Variants in DCDC2 observed in about 807,000 individuals in gnomAD.
DCDC2 encodes the protein doublecortin domain-containing protein 2.
A neutral mutation model predicts 50.2 loss-of-function variants in DCDC2; 40 were observed. The observed-to-expected ratio is 0.80, with a 90% CI of 0.62 to 1.04. DCDC2 has a LOEUF of 1.04. Among genes scored for constraint, DCDC2 ranks in the 50% least tolerant of loss-of-function variants. The pLI is 0.00. For missense variants in DCDC2, 570 were observed against 581.9 expected (o/e 0.98, Z 0.21); for synonymous variants, 234 against 210.6 (o/e 1.11, Z -0.96).
chr6:24,306,543 T>TAGATAGATAGATAGAGAGACAGAC (rs1209633765), intron 2 of DCDC2, among the ~76,000 whole-genome samples: 2 of 115,662 alleles, frequency 1.7e-5, no homozygotes, highest in African/African-American at 6.8e-5. Flanking sequence ...GATAGATAGA[T>TAGATAGATAGATAGAGAGACAGAC]AGACAGACAG....
chr6:24,178,310 A>C lies in DCDC2; in HGVS notation c.1326+20T>G. On this transcript the variant is annotated intron_variant, in intron 9 of 9. Coordinates refer to ENST00000378454, the MANE Select transcript of DCDC2 (RefSeq NM_016356.5). ...ACATATTCATGCATTCACATAAGCA[A>C]GCAAAAGCAATAGAAATACCTCATC... 1.2e-6 allele frequency: 2 copies of C among 1,606,104 alleles called. No homozygotes were observed. Among genetic ancestry groups the C allele is most frequent in the Non-Finnish European group, 1.7e-6 (2 of 1,175,248 alleles).
intron 7 of DCDC2, among the ~76,000 whole-genome samples, chr6:24,222,284 A>G (rs1262843318): frequency 6.6e-6 from 1 of 152,242 alleles, no homozygotes; most frequent in African/African-American, 2.4e-5. Context: ...TTGGAGAAAG[A>G]AAAAAGCTTC....
At chr6:24,185,812 T>TAAAAAAGAAATACAAGAGGCAAAGG (rs1761191941) in intron 8 of DCDC2, among the ~76,000 whole-genome samples, 1 of 151,830 alleles carries the variant, frequency 6.6e-6, no homozygotes, top group Non-Finnish European at 1.5e-5. Flanking sequence ...TTCTTTAGGA[T>TAAAAAAGAAATACAAGAGGCAAAGG]AAAAAAGAAA....
At chr6:24,224,814 C>T (rs1160198785) in intron 7 of DCDC2, among the ~76,000 whole-genome samples, 1 of 152,134 alleles carries the variant, frequency 6.6e-6, no homozygotes, top group Non-Finnish European at 1.5e-5. Flanking sequence ...ACTTACCACC[C>T]AGACTATACA....
In DCDC2 at chr6:24,278,193, T is replaced by TA. The variant is rs1467780852; in HGVS notation, c.777dup (p.Lys260Ter). 1.2e-6 allele frequency: 2 copies of TA among 1,609,650 alleles called. No individual in the cohort carries two copies. Among genetic ancestry groups the TA allele is most frequent in the African/African-American group, 1.3e-5 (1 of 74,582 alleles). On this transcript the variant is annotated frameshift_variant, in exon 7 of 10. Transcript: ENST00000378454. LOFTEE classifies it high-confidence loss of function. The stretch of plus-strand genomic sequence containing the variant: ...TTGTCACTGGATCCAACTGTTGACT[T>TA]AGAGTGGCGATCATTTCCCTAAATG...
At chr6:24,177,460 A>G (rs1360321983) in intron 9 of DCDC2, among the ~76,000 whole-genome samples, 1 of 152,212 alleles carries the variant, frequency 6.6e-6, no homozygotes, top group Non-Finnish European at 1.5e-5. Context: ...CATAGTGGGT[A>G]TTAGGAATGA....
At position 24,357,473 on chromosome 6, in the gene DCDC2, G is replaced by T. The variant is rs776415168; in HGVS notation, c.278C>A (p.Ala93Asp). The T allele has an allele frequency of 1.3e-5, 21 of 1,604,990 alleles. No individual in the cohort carries two copies. Among genetic ancestry groups the T allele is most frequent in the Non-Finnish European group, 1.8e-5 (21 of 1,174,574 alleles). Residue 93 changes from alanine (A) to aspartate (D), a missense_variant, in exon 1 of 10, where the codon GCC becomes GAC. Transcript: ENST00000378454. ...GGNYVAGGQEAFKKLNYLDIG... is the reference protein window; with the variant it reads ...GGNYVAGGQEDFKKLNYLDIG... Reference sequence around the variant, plus strand: ...ACCGACTCACTTGAGTTTCTTGAAGGCTTCCTGGCCTCCAGCCACGTAATT... The same window carrying T: ...ACCGACTCACTTGAGTTTCTTGAAGTCTTCCTGGCCTCCAGCCACGTAATT...
At position 24,337,519 on chromosome 6, in the gene DCDC2, C is replaced by A. The variant is rs1234456943; in HGVS notation, c.348+16050G>T. Among the ~76,000 whole-genome samples, 5 of 152,224 alleles carry A rather than the reference C, an allele frequency of 3.3e-5. No homozygotes were observed. The East Asian group carries it at 7.7e-4, about 24-fold the overall frequency. ...TTAAAGAAGAGTATTAAGAGCCAGG[C>A]ACGGTGGCTCACACCTGTAATCCCA... is the stretch of plus-strand genomic sequence containing the variant. On this transcript the variant is annotated intron_variant, in intron 2 of 9. Transcript: ENST00000378454.
intron 7 of DCDC2, among the ~76,000 whole-genome samples, chr6:24,237,425 C>A (rs907421544): frequency 6.6e-6 from 1 of 151,956 alleles, no homozygotes; most frequent in African/African-American, 2.4e-5. Context: ...AAATAACACA[C>A]GTTGTGAGGT....
upstream of DCDC2, among the ~76,000 whole-genome samples, chr6:24,358,602 A>G (rs539981085): frequency 1.1e-3 from 157 of 143,224 alleles, no homozygotes; most frequent in Non-Finnish European, 2.0e-3. Flanking sequence ...GGATTGTTTG[A>G]GCCCAGGAGG....
chr6:24,190,791 T>A (rs1003168933), intron 8 of DCDC2, among the ~76,000 whole-genome samples: 3 of 152,220 alleles, frequency 2.0e-5, no homozygotes, highest in African/African-American at 7.2e-5. Flanking sequence ...CTAATGTGAA[T>A]ATGATTCAAT....
intron 6 of DCDC2, among the ~76,000 whole-genome samples, chr6:24,288,447 C>G (rs1328244983): frequency 1.3e-5 from 2 of 152,202 alleles, no homozygotes; most frequent in Non-Finnish European, 2.9e-5. Flanking sequence ...TAGAACAATT[C>G]TCAATCTTTT....
chr6:24,252,249 T>C (rs1762809003), intron 7 of DCDC2, among the ~76,000 whole-genome samples: 14 of 152,194 alleles, frequency 9.2e-5, no homozygotes, highest in Admixed American at 9.2e-4. Context: ...ATAGTTCATA[T>C]TATATACTTC....
intron 8 of DCDC2, among the ~76,000 whole-genome samples, chr6:24,191,650 C>T (rs537748363): frequency 1.1e-4 from 16 of 152,226 alleles, no homozygotes; most frequent in Non-Finnish European, 2.4e-4. Context: ...ATCCCTATTG[C>T]GGATTCTAGG....
chr6:24,242,529 C>T (rs901888934), intron 7 of DCDC2, among the ~76,000 whole-genome samples: 2 of 152,204 alleles, frequency 1.3e-5, no homozygotes, highest in African/African-American at 4.8e-5. Context: ...CCCACTCCAC[C>T]CACCGCCAGC....
chr6:24,319,247 T>C lies in DCDC2; in HGVS notation c.349-17203A>G, dbSNP rs144647508. 1.6e-4 allele frequency among the ~76,000 whole-genome samples: 25 copies of C among 151,888 alleles called. No individual in the cohort carries two copies. In the East Asian group the frequency reaches 4.9e-3, roughly 30 times the overall value. On this transcript the variant is annotated intron_variant, in intron 2 of 9. Coordinates refer to ENST00000378454, the MANE Select transcript of DCDC2 (RefSeq NM_016356.5). ...TATGCCTTCTTTTGAAAAATGACTA[T>C]GCATGAATTTTTCCACTTTTTAATG...
At chr6:24,358,478 G>A (rs1490657424), upstream of DCDC2, among the ~76,000 whole-genome samples, 1 of 141,342 alleles carries the variant, frequency 7.1e-6, no homozygotes, top group Non-Finnish European at 1.5e-5. Flanking sequence ...CTGAGGCAAG[G>A]AGTTTGAGAC....
intron 2 of DCDC2, among the ~76,000 whole-genome samples, chr6:24,345,159 G>A (rs1760232474): frequency 6.6e-6 from 1 of 152,068 alleles, no homozygotes; most frequent in Non-Finnish European, 1.5e-5. Flanking sequence ...CCAAGCTAAA[G>A]GTTAGTGAGT....
chr6:24,368,723 C>A, the DCDC2 span, among the ~76,000 whole-genome samples: 1 of 150,714 alleles, frequency 6.6e-6, no homozygotes, highest in African/African-American at 2.4e-5. Flanking sequence ...GTCTGAGGGG[C>A]AAGAAGGAAT....
Sources: gnomAD v4.1 joint callset for allele counts (sites outside exome capture counted in the v4.1 genomes callset) on GRCh38, gnomAD v4.1.1 for gene constraint, MANE v1.5 for transcripts, NCBI Gene and HGNC (gene_info 2026-07-23, HGNC 2026-07-21) for gene names.